IQCJ: variants seen among roughly 807,000 people sequenced by gnomAD.
IQCJ encodes the protein IQ motif containing J.
Under a neutral mutation model 11.0 loss-of-function variants are expected in IQCJ, and 9 were observed. The ratio of observed to expected loss-of-function variants is 0.82; its 90% confidence interval spans 0.49 to 1.43. IQCJ has a LOEUF of 1.43. Among genes scored for constraint, IQCJ ranks in the 40% most tolerant of loss-of-function variants. The pLI, the probability that IQCJ is intolerant of heterozygous loss-of-function variation, is 0.00. For missense variants in IQCJ, 146 were observed against 133.2 expected, an observed-to-expected ratio of 1.10 and a Z score of -0.47; for synonymous variants, 55 against 51.3, an observed-to-expected ratio of 1.07 and a Z score of -0.31.
intron 1 of IQCJ, among the ~76,000 whole-genome samples, chr3:159,213,709 T>G (rs1489551836): frequency 6.6e-6 from 1 of 152,232 alleles, no homozygotes; most frequent in Non-Finnish European, 1.5e-5. Context: ...GAATGAATTT[T>G]TAAAGCAATG....
chr3:159,139,282 G>A (rs1465564892), intron 1 of IQCJ, among the ~76,000 whole-genome samples: 1 of 152,040 alleles, frequency 6.6e-6, no homozygotes, highest in African/African-American at 2.4e-5. Flanking sequence ...TAAAAGAAAT[G>A]AATTGGTTAT....
At chr3:159,248,630 T>A (rs778670965) in intron 2 of IQCJ, among the ~76,000 whole-genome samples, 1 of 152,226 alleles carries the variant, frequency 6.6e-6, no homozygotes, top group Non-Finnish European at 1.5e-5. Context: ...CTAGAAAAAT[T>A]GAATTAGATT....
intron 1 of IQCJ, among the ~76,000 whole-genome samples, chr3:159,203,906 G>A (rs1577078824): frequency 6.6e-6 from 1 of 152,168 alleles, no homozygotes; most frequent in Non-Finnish European, 1.5e-5. Flanking sequence ...TTGTGTCCCT[G>A]TGTGGTAAGA....
intron 1 of IQCJ, among the ~76,000 whole-genome samples, chr3:159,223,142 G>T (rs1725646099): frequency 6.6e-6 from 1 of 151,992 alleles, no homozygotes; most frequent in South Asian, 2.1e-4. Flanking sequence ...AGAACTTTAG[G>T]GATTTTGCTT....
At chr3:159,121,970 T>G (rs2108142706) in intron 1 of IQCJ, among the ~76,000 whole-genome samples, 1 of 152,326 alleles carries the variant, frequency 6.6e-6, no homozygotes, top group South Asian at 2.1e-4. Flanking sequence ...TATCACAGAG[T>G]GTCATAGACT....
At chr3:159,076,050 G>T (rs567245021) in intron 1 of IQCJ, among the ~76,000 whole-genome samples, 4 of 152,026 alleles carry the variant, frequency 2.6e-5, no homozygotes, top group Non-Finnish European at 5.9e-5. Context: ...TATACTGTAA[G>T]GAAATACAGT....
intron 3 of IQCJ, among the ~76,000 whole-genome samples, chr3:159,259,001 T>C (rs1159589197): frequency 1.3e-5 from 2 of 152,196 alleles, no homozygotes; most frequent in African/African-American, 2.4e-5. Flanking sequence ...ATCCCATCCA[T>C]GCTTCAGGAC....
intron 1 of IQCJ, among the ~76,000 whole-genome samples, chr3:159,215,004 C>T (rs928871380): frequency 3.3e-5 from 5 of 152,164 alleles, no homozygotes; most frequent in Non-Finnish European, 5.9e-5. Flanking sequence ...TCTTTTCCCA[C>T]TATCCTTCTA....
chr3:159,211,910 A>G (rs1472815922), intron 1 of IQCJ, among the ~76,000 whole-genome samples: 1 of 152,074 alleles, frequency 6.6e-6, no homozygotes, highest in Non-Finnish European at 1.5e-5. Context: ...CATGCCAAGT[A>G]TTGGAGAAGG....
At chr3:159,089,489 C>T (rs1253519414) in intron 1 of IQCJ, among the ~76,000 whole-genome samples, 1 of 151,906 alleles carries the variant, frequency 6.6e-6, no homozygotes, top group Non-Finnish European at 1.5e-5. Flanking sequence ...TGGGGAAGTT[C>T]TCCTGGATAA....
At chr3:159,153,816 T>C (rs1721361273) in intron 1 of IQCJ, among the ~76,000 whole-genome samples, 1 of 152,212 alleles carries the variant, frequency 6.6e-6, no homozygotes, top group African/African-American at 2.4e-5. Context: ...ATACCTGTTT[T>C]GCTAACTAGG....
chr3:159,202,135 T>C (rs751666833), intron 1 of IQCJ, among the ~76,000 whole-genome samples: 12 of 152,176 alleles, frequency 7.9e-5, no homozygotes, highest in Non-Finnish European at 1.3e-4. Flanking sequence ...GTATATATTA[T>C]CTGGGGGAGG....
chr3:159,069,647 T>A (rs1309961846), intron 1 of IQCJ: 5 of 665,020 alleles, frequency 7.5e-6, no homozygotes, highest in Non-Finnish European at 1.3e-5. Context: ...ATATGTATTA[T>A]TTATGTATAC....
chr3:159,179,924 G>T (rs927801158), intron 1 of IQCJ, among the ~76,000 whole-genome samples: 2 of 151,952 alleles, frequency 1.3e-5, no homozygotes, highest in Non-Finnish European at 2.9e-5. Context: ...AGATATACAA[G>T]GGGCTCTGAG....
intron 1 of IQCJ, among the ~76,000 whole-genome samples, chr3:159,126,929 T>A (rs1241461471): frequency 4.6e-5 from 7 of 152,190 alleles, no homozygotes; most frequent in Non-Finnish European, 1.5e-5. Context: ...GACCAATGAC[T>A]GACATAGGTG....
At chr3:159,161,167 A>G (rs946852539) in intron 1 of IQCJ, among the ~76,000 whole-genome samples, 1 of 152,098 alleles carries the variant, frequency 6.6e-6, no homozygotes, top group Non-Finnish European at 1.5e-5. Context: ...AAGTGTTCCT[A>G]TTTCTCCACA....
chr3:159,106,987 G>A (rs1202473715), intron 1 of IQCJ, among the ~76,000 whole-genome samples: 2 of 152,120 alleles, frequency 1.3e-5, no homozygotes, highest in African/African-American at 2.4e-5. Context: ...GTACAGATAG[G>A]ATTACTTTTG....
At chr3:159,153,325 C>T (rs1374767444) in intron 1 of IQCJ, among the ~76,000 whole-genome samples, 6 of 152,154 alleles carry the variant, frequency 3.9e-5, no homozygotes, top group East Asian at 1.9e-4. Flanking sequence ...CCCCAAATAA[C>T]GGAAACCCTC....
chr3:159,069,626 T>C (rs1715405545), intron 1 of IQCJ, 185 bp downstream of exon 1: 3 of 746,084 alleles, frequency 4.0e-6, no homozygotes, highest in Non-Finnish European at 4.2e-6. Flanking sequence ...AATGTAGGCA[T>C]GTGTGCATAA....
Sources: allele counts gnomAD v4.1 joint callset (sites outside exome capture counted in the v4.1 genomes callset), GRCh38; gene constraint gnomAD v4.1.1; transcripts MANE v1.5; gene names NCBI Gene and HGNC (gene_info 2026-07-23, HGNC 2026-07-21).